Variants in PPP4R2 observed in about 807,000 individuals in gnomAD.
PPP4R2 encodes the protein protein phosphatase 4 regulatory subunit 2, also known as serine/threonine-protein phosphatase 4 regulatory subunit 2.
A neutral mutation model predicts 47.2 loss-of-function variants in PPP4R2; 13 were observed. That is an observed-to-expected ratio of 0.28 (90% CI 0.18 to 0.44). PPP4R2 has a LOEUF of 0.44. PPP4R2 is among the 20% of genes least tolerant of loss of function. PPP4R2 has a pLI of 1.00. For synonymous variants in PPP4R2, 151 were observed against 163.3 expected (o/e 0.92, Z 0.57); for missense variants, 421 against 491.2 (o/e 0.86, Z 1.35).
At chr3:73,005,337 CTT>C (rs34629247) in intron 2 of PPP4R2, among the ~76,000 whole-genome samples, 1,300 of 128,138 alleles carry the variant, frequency 0.01, 16 homozygotes, top group African/African-American at 0.033. Context: ...ATGGTGTGGT[CTT>C]TTTTTTTTTT....
chr3:73,051,751 C>T (rs1432114864), intron 3 of PPP4R2, among the ~76,000 whole-genome samples: 2 of 151,994 alleles, frequency 1.3e-5, no homozygotes, highest in African/African-American at 2.4e-5. Flanking sequence ...TCAGCCTCCC[C>T]AGTAGCTGGG....
chr3:73,018,071 C>T (rs556726842), intron 2 of PPP4R2, among the ~76,000 whole-genome samples: 1 of 152,240 alleles, frequency 6.6e-6, no homozygotes, highest in South Asian at 2.1e-4. Context: ...GAGGTATGGT[C>T]ACTCTATTTT....
At chr3:73,031,431 T>C (rs941429543) in intron 2 of PPP4R2, among the ~76,000 whole-genome samples, 1 of 152,008 alleles carries the variant, frequency 6.6e-6, no homozygotes, top group Non-Finnish European at 1.5e-5. Context: ...TAATCCCAGC[T>C]ACTCGGGAGG....
At chr3:73,019,141 T>A (rs1701907888) in intron 2 of PPP4R2, among the ~76,000 whole-genome samples, 3 of 152,196 alleles carry the variant, frequency 2.0e-5, no homozygotes. Context: ...TGTTCAGACA[T>A]ACGAATACTT....
chr3:72,996,840 G>A lies in PPP4R2; in HGVS notation c.-198G>A, dbSNP rs563461603. 2.5e-4 allele frequency: 99 copies of A among 398,442 alleles called. No homozygotes were observed. The highest frequency in any genetic ancestry group is 1.8e-3 in the African/African-American group (86 of 48,502). 24.7% of individuals were successfully genotyped at this position (398,442 alleles called of 1,614,324 possible). A position where few individuals can be genotyped will look rare whatever the true frequency, so the allele number is the denominator to read the frequency against. ...GCCATGTTGGAGGGTTGGTGGTAGC[G>A]GCTTGGGGAGGTGCTCGCTCTGTCG... On this transcript the variant is annotated 5_prime_UTR_variant, in exon 1 of 9. Transcript: ENST00000356692.
At chr3:73,005,444 G>A (rs1701588144) in intron 2 of PPP4R2, among the ~76,000 whole-genome samples, 1 of 151,034 alleles carries the variant, frequency 6.6e-6, no homozygotes, top group African/African-American at 2.4e-5. Flanking sequence ...GTGAATTGTT[G>A]TCTTTGGTTT....
At chr3:73,060,974 T>C in intron 4 of PPP4R2, 49 bp from the exon 5 acceptor site, 1 of 1,323,884 alleles carries the variant, frequency 7.6e-7, no homozygotes, top group Non-Finnish European at 1.0e-6. Context: ...TGAAACTTTA[T>C]GTTGTAGTAC....
intron 2 of PPP4R2, among the ~76,000 whole-genome samples, chr3:73,024,688 G>GT (rs1702025439): frequency 1.3e-5 from 2 of 150,874 alleles, no homozygotes; most frequent in Admixed American, 6.6e-5. Context: ...CTTTCCCTTT[G>GT]TTTTTTTCTT....
intron 2 of PPP4R2, among the ~76,000 whole-genome samples, chr3:73,034,047 A>G (rs1460154607): frequency 6.6e-6 from 1 of 152,168 alleles, no homozygotes; most frequent in Non-Finnish European, 1.5e-5. Context: ...GTTTCTCCAT[A>G]TCCTCACCAG....
At chr3:73,021,233 A>AT (rs1225973970) in intron 2 of PPP4R2, among the ~76,000 whole-genome samples, 1,267 of 56,078 alleles carry the variant, frequency 0.023, 18 homozygotes, top group African/African-American at 0.075. Context: ...TTAAAAAAAA[A>AT]TTTTTTTTTT....
intron 1 of PPP4R2, 96 bp from the exon 2 acceptor site, chr3:72,997,981 A>T: frequency 2.4e-6 from 2 of 831,832 alleles, no homozygotes; most frequent in Non-Finnish European, 4.0e-6. Flanking sequence ...TTTTGTATTT[A>T]ATTGATTTTT....
At chr3:73,058,136 TTA>T (rs751080825) in intron 3 of PPP4R2, among the ~76,000 whole-genome samples, 50 of 152,126 alleles carry the variant, frequency 3.3e-4, no homozygotes, top group Non-Finnish European at 4.3e-4. Context: ...TAGTTCCAAC[TTA>T]TATCAGTTTT....
At position 73,047,251 on chromosome 3, in the gene PPP4R2, G is replaced by C; in HGVS notation, c.182G>C (p.Arg61Thr). The C allele has an allele frequency of 1.2e-6, 2 of 1,605,692 alleles. No individual in the cohort carries two copies. The highest frequency in any genetic ancestry group is 1.7e-6 in the Non-Finnish European group (2 of 1,174,602). The change falls in exon 3 of 9, where the codon AGA becomes ACA. Residue 61 changes from arginine to threonine, a missense_variant. Around this residue, in one of 2 missense-constraint regions of PPP4R2, gnomAD observed 104 missense variants for 203.7 expected, o/e 0.51. Coordinates refer to ENST00000356692, the MANE Select transcript of PPP4R2 (RefSeq NM_174907.4). ...CTGGAGAAAGTGATGGATGATTTCA[G>C]AACTTCAGCTCCTGAGCCAAGAGGT... ...FKLEKVMDDF[R>T]TSAPEPRGPP...
At chr3:73,050,777 T>C (rs968511400) in intron 3 of PPP4R2, among the ~76,000 whole-genome samples, 1 of 152,188 alleles carries the variant, frequency 6.6e-6, no homozygotes, top group South Asian at 2.1e-4. Flanking sequence ...GAATAATAGG[T>C]TTTTATTTGC....
Position 73,034,967 on chromosome 3 carries a change from C to T in PPP4R2, c.117-12219C>T, listed in dbSNP as rs535603638. Among the ~76,000 whole-genome samples the T allele has an allele frequency of 2.0e-5, 3 of 152,168 alleles. No homozygotes were observed. In the East Asian group the frequency reaches 5.8e-4, roughly 29 times the overall value. ...AATGGGATTACATCAAGCTAAAAAG[C>T]TTCCGCACAAGGGAAGAGTCAGTAG... On this transcript the variant is annotated intron_variant, in intron 2 of 8. Coordinates refer to ENST00000356692, the MANE Select transcript of PPP4R2 (RefSeq NM_174907.4).
chr3:73,065,241 T>A, intron 8 of PPP4R2, 100 bp downstream of exon 8: 1 of 1,347,074 alleles, frequency 7.4e-7, no homozygotes, highest in Non-Finnish European at 1.0e-6. Context: ...GAACTCCTTA[T>A]AATGCTGATG....
intron 5 of PPP4R2, chr3:73,062,339 T>C: frequency 6.2e-7 from 1 of 1,607,878 alleles, no homozygotes; most frequent in Non-Finnish European, 8.5e-7. Flanking sequence ...ACAGACAGTA[T>C]CCACTGGATG....
chr3:73,001,736 T>G (rs1180005554), intron 2 of PPP4R2, among the ~76,000 whole-genome samples: 1 of 152,122 alleles, frequency 6.6e-6, no homozygotes, highest in East Asian at 1.9e-4. Flanking sequence ...CCTCCTGAGT[T>G]CAAGCGATTC....
At chr3:73,062,101 T>A in intron 5 of PPP4R2, 2 of 1,542,338 alleles carry the variant, frequency 1.3e-6, no homozygotes, top group Non-Finnish European at 1.7e-6. Context: ...TTTCTTAAAT[T>A]GTATGCTTAT....
Sources: allele counts gnomAD v4.1 joint callset (sites outside exome capture counted in the v4.1 genomes callset), GRCh38; gene constraint gnomAD v4.1.1; regional missense constraint gnomAD v4.1.1; transcripts MANE v1.5; gene names NCBI Gene and HGNC (gene_info 2026-07-23, HGNC 2026-07-21).